Variants in MTHFD2L observed in about 807,000 individuals in gnomAD.
The protein encoded by MTHFD2L is methylenetetrahydrofolate dehydrogenase (NADP+ dependent) 2 like, also known as bifunctional methylenetetrahydrofolate dehydrogenase/cyclohydrolase 2, mitochondrial.
A neutral mutation model predicts 34.9 loss-of-function variants in MTHFD2L; 29 were observed. That is an observed-to-expected ratio of 0.83 (90% CI 0.62 to 1.13). MTHFD2L has a LOEUF of 1.13. Among genes scored for constraint, MTHFD2L ranks in the 50% most tolerant of loss-of-function variants. The probability of loss-of-function intolerance (pLI) is 0.00; values close to 1 mark genes in which losing one functional copy is unlikely to be tolerated. For missense variants in MTHFD2L, 481 were observed against 446.5 expected, an observed-to-expected ratio of 1.08 and a Z score of -0.70; for synonymous variants, 167 against 155.7, an observed-to-expected ratio of 1.07 and a Z score of -0.54.
intron 1 of MTHFD2L, among the ~76,000 whole-genome samples, chr4:74,162,686 A>G (rs1269698072): frequency 6.6e-6 from 1 of 152,146 alleles, no homozygotes; most frequent in African/African-American, 2.4e-5. Flanking sequence ...TTCGATCCTC[A>G]CAACAACTAA....
At chr4:74,127,877 G>T (rs549979046) in intron 1 of MTHFD2L, among the ~76,000 whole-genome samples, 1 of 152,108 alleles carries the variant, frequency 6.6e-6, no homozygotes, top group East Asian at 1.9e-4. Context: ...ATGTATGAGG[G>T]TTTCCCTTTC....
intron 6 of MTHFD2L, among the ~76,000 whole-genome samples, chr4:74,273,774 T>TG (rs538040291): frequency 1.1e-3 from 172 of 152,260 alleles, no homozygotes; most frequent in African/African-American, 4.0e-3. Flanking sequence ...AACTATCAGG[T>TG]GAAAGTACTG....
At chr4:74,225,997 A>G (rs934321721) in intron 6 of MTHFD2L, among the ~76,000 whole-genome samples, 3 of 152,132 alleles carry the variant, frequency 2.0e-5, no homozygotes, top group Non-Finnish European at 2.9e-5. Context: ...AGATACAACA[A>G]CTTTTTTTTT....
At chr4:74,147,097 CT>C (rs1273669101) in intron 1 of MTHFD2L, among the ~76,000 whole-genome samples, 1 of 152,060 alleles carries the variant, frequency 6.6e-6, no homozygotes, top group Admixed American at 6.6e-5. Flanking sequence ...GCTGTTGTTT[CT>C]TGTGGATGTA....
intron 6 of MTHFD2L, among the ~76,000 whole-genome samples, chr4:74,228,541 G>T (rs959499512): frequency 2.0e-5 from 3 of 152,130 alleles, no homozygotes; most frequent in Admixed American, 6.6e-5. Flanking sequence ...CTCGTGGTTT[G>T]TTTTATTATT....
intron 1 of MTHFD2L, among the ~76,000 whole-genome samples, chr4:74,143,179 A>G (rs1297089702): frequency 2.0e-5 from 3 of 152,186 alleles, no homozygotes; most frequent in Non-Finnish European, 4.4e-5. Context: ...AGGGGGTATC[A>G]CAGTAAGTTG....
chr4:74,195,110 G>T (rs1470761186), intron 3 of MTHFD2L: 1 of 152,194 alleles, frequency 6.6e-6, no homozygotes. Flanking sequence ...TATAGCTAAG[G>T]TGGCAAAATG....
At chr4:74,298,170 CA>C (rs1560571457) in intron 7 of MTHFD2L, among the ~76,000 whole-genome samples, 1 of 151,836 alleles carries the variant, frequency 6.6e-6, no homozygotes, top group African/African-American at 2.4e-5. Flanking sequence ...ATTTCAAAAA[CA>C]AAAAAGATTT....
At chr4:74,148,912 T>G (rs981166091) in intron 1 of MTHFD2L, among the ~76,000 whole-genome samples, 1 of 151,864 alleles carries the variant, frequency 6.6e-6, no homozygotes, top group Non-Finnish European at 1.5e-5. Flanking sequence ...GCTATATTTC[T>G]TAGGCCCCTT....
intron 6 of MTHFD2L, among the ~76,000 whole-genome samples, chr4:74,247,438 G>A (rs1742637776): frequency 1.3e-5 from 2 of 151,900 alleles, no homozygotes; most frequent in Non-Finnish European, 2.9e-5. Flanking sequence ...GGGACAATTT[G>A]ACTTCCTCTT....
intron 1 of MTHFD2L, among the ~76,000 whole-genome samples, chr4:74,132,757 T>C (rs1038065049): frequency 3.3e-5 from 5 of 152,042 alleles, no homozygotes; most frequent in Admixed American, 2.0e-4. Flanking sequence ...AAAAATGCTC[T>C]ACACTTTAAC....
At chr4:74,182,790 C>G (rs1730444199) in intron 3 of MTHFD2L, 1 of 152,108 alleles carries the variant, frequency 6.6e-6, no homozygotes, top group South Asian at 2.1e-4. Context: ...GGAACCACTT[C>G]CAGACTGAGA....
At chr4:74,249,357 T>G (rs1280437964) in intron 6 of MTHFD2L, among the ~76,000 whole-genome samples, 4 of 152,148 alleles carry the variant, frequency 2.6e-5, no homozygotes, top group Non-Finnish European at 5.9e-5. Context: ...CATCCTTTTA[T>G]TTTGAGCCTA....
chr4:74,251,328 G>A (rs1390714887), intron 6 of MTHFD2L, among the ~76,000 whole-genome samples: 3 of 152,166 alleles, frequency 2.0e-5, no homozygotes, highest in Admixed American at 6.5e-5. Flanking sequence ...CTGTAATGTG[G>A]TCATTTGCAC....
intron 1 of MTHFD2L, among the ~76,000 whole-genome samples, chr4:74,134,918 GAGAAA>G (rs967063991): frequency 4.0e-5 from 6 of 151,330 alleles, no homozygotes; most frequent in African/African-American, 1.5e-4. Flanking sequence ...AAACAGAGGA[GAGAAA>G]AGAAAAAAAG....
chr4:74,229,245 A>G (rs114923715), intron 6 of MTHFD2L, among the ~76,000 whole-genome samples: 173 of 152,360 alleles, frequency 1.1e-3, no homozygotes, highest in African/African-American at 4.1e-3. Flanking sequence ...TATAAATTAT[A>G]GAAAGAATGT....
chr4:74,146,874 T>A (rs2109847448), intron 1 of MTHFD2L, among the ~76,000 whole-genome samples: 1 of 152,188 alleles, frequency 6.6e-6, no homozygotes, highest in South Asian at 2.1e-4. Context: ...TTTTTTCCAA[T>A]AGTCTGTCTT....
At chr4:74,265,021 A>G (rs1374657733) in intron 6 of MTHFD2L, among the ~76,000 whole-genome samples, 1 of 152,214 alleles carries the variant, frequency 6.6e-6, no homozygotes, top group African/African-American at 2.4e-5. Context: ...ATATCAATTT[A>G]TAACCCGTAT....
At chr4:74,206,478 C>T (rs185841437) in intron 5 of MTHFD2L, among the ~76,000 whole-genome samples, 79 of 151,934 alleles carry the variant, frequency 5.2e-4, no homozygotes, top group East Asian at 1.9e-3. Flanking sequence ...TACTAGCATA[C>T]GGTTAGATAG....
Sources: gnomAD v4.1 joint callset for allele counts (sites outside exome capture counted in the v4.1 genomes callset) on GRCh38, gnomAD v4.1.1 for gene constraint, MANE v1.5 for transcripts, NCBI Gene and HGNC (gene_info 2026-07-23, HGNC 2026-07-21) for gene names.